STAC: variants seen among roughly 807,000 people sequenced by gnomAD.
The protein encoded by STAC is SH3 and cysteine-rich domain-containing protein.
STAC carries 43 observed loss-of-function variants against 48.8 expected under a neutral mutation model. The ratio of observed to expected loss-of-function variants is 0.88; its 90% CI spans 0.69 to 1.14. The LOEUF is 1.14. STAC is among the 50% of genes most tolerant of loss of function. The probability of loss-of-function intolerance (pLI) is 0.00; values close to 1 mark genes in which losing one functional copy is unlikely to be tolerated. For missense variants in STAC, 497 were observed against 504.0 expected, an observed-to-expected ratio of 0.99 and a Z score of 0.13; for synonymous variants, 193 against 179.5, an observed-to-expected ratio of 1.07 and a Z score of -0.60.
chr3:36,505,982 G>A lies in STAC; in HGVS notation c.920+148G>A, dbSNP rs868753591. On this transcript the variant is annotated intron_variant, in intron 8 of 10. Transcript: ENST00000273183. ...ATGTATCTAATGACCTGCAAGGCTG[G>A]TTAACACACAGGCCCTGTCCCCAGA... The A allele has an allele frequency of 2.8e-4, 152 of 547,300 alleles. 1 individual carries two copies. In the Middle Eastern group the frequency reaches 5.1e-3, roughly 18 times the overall value. 33.9% of individuals were successfully genotyped at this position (547,300 alleles called of 1,614,324 possible). A position where few individuals can be genotyped will look rare whatever the true frequency, so the allele number is the denominator to read the frequency against.
intron 8 of STAC, among the ~76,000 whole-genome samples, chr3:36,515,065 A>ATAC (rs1041567763): frequency 1.5e-4 from 23 of 151,074 alleles, no homozygotes; most frequent in Admixed American, 5.3e-4. Context: ...AATAATAATA[A>ATAC]TATAATGGAA....
intron 2 of STAC, among the ~76,000 whole-genome samples, chr3:36,448,551 A>T (rs138236696): frequency 2.0e-5 from 3 of 152,296 alleles, no homozygotes; most frequent in African/African-American, 7.2e-5. Context: ...AAAATAAGTA[A>T]AGCTGGAACA....
chr3:36,506,381 C>T (rs546142755), intron 8 of STAC: 1 of 152,236 alleles, frequency 6.6e-6, no homozygotes, highest in South Asian at 2.1e-4. Flanking sequence ...CAGCTTTGTG[C>T]TTTTGGCTTA....
intron 8 of STAC, among the ~76,000 whole-genome samples, chr3:36,506,834 T>TG (rs1698414517): frequency 6.6e-6 from 1 of 152,206 alleles, no homozygotes; most frequent in Non-Finnish European, 1.5e-5. Flanking sequence ...GCTAAGATGA[T>TG]GGGGTTTTCT....
intron 8 of STAC, among the ~76,000 whole-genome samples, chr3:36,510,218 G>A (rs1415779782): frequency 1.3e-5 from 2 of 152,168 alleles, no homozygotes; most frequent in African/African-American, 4.8e-5. Flanking sequence ...CCTCATCACT[G>A]GTCATTAGAA....
intron 1 of STAC, among the ~76,000 whole-genome samples, chr3:36,424,768 G>C (rs1213806421): frequency 6.6e-6 from 1 of 152,132 alleles, no homozygotes; most frequent in Non-Finnish European, 1.5e-5. Context: ...AGCTCTGAAT[G>C]AGCAAACCTG....
chr3:36,386,208 T>A (rs1699612103), intron 1 of STAC, among the ~76,000 whole-genome samples: 1 of 152,088 alleles, frequency 6.6e-6, no homozygotes, highest in African/African-American at 2.4e-5. Context: ...GGTTTTAACT[T>A]GTATTTCCCC....
At chr3:36,421,611 A>C (rs1700452124) in intron 1 of STAC, among the ~76,000 whole-genome samples, 1 of 152,156 alleles carries the variant, frequency 6.6e-6, no homozygotes, top group African/African-American at 2.4e-5. Context: ...GCTCTCTCTT[A>C]TCTTGTTTTT....
chr3:36,427,423 A>G (rs1210007131), intron 1 of STAC, among the ~76,000 whole-genome samples: 1 of 152,184 alleles, frequency 6.6e-6, no homozygotes, highest in Non-Finnish European at 1.5e-5. Flanking sequence ...GCTCTGAGCC[A>G]TTTATGTGCT....
chr3:36,432,563 A>G (rs55647641), intron 1 of STAC, among the ~76,000 whole-genome samples: 3,541 of 152,068 alleles, frequency 0.023, 61 homozygotes, highest in East Asian at 0.026. Context: ...TTAGCTGGGT[A>G]TGGTAGTGGG....
At chr3:36,442,740 AC>A (rs1235683838) in intron 1 of STAC, among the ~76,000 whole-genome samples, 8 of 234 alleles carry the variant, frequency 0.034, no homozygotes, top group Non-Finnish European at 0.085. Context: ...CCTATGTCCT[AC>A]ACACACACAC....
At chr3:36,540,441 A>G (rs147702101) in intron 10 of STAC, among the ~76,000 whole-genome samples, 1 of 152,332 alleles carries the variant, frequency 6.6e-6, no homozygotes, top group African/African-American at 2.4e-5. Context: ...TAGGTGGACC[A>G]AATCTAATCA....
At chr3:36,481,161 T>C (rs1697635374) in intron 2 of STAC, among the ~76,000 whole-genome samples, 2 of 152,026 alleles carry the variant, frequency 1.3e-5, no homozygotes, top group South Asian at 4.2e-4. Flanking sequence ...TGTAGAGAGC[T>C]GAGGAATTAA....
At chr3:36,406,052 T>C (rs1360628532) in intron 1 of STAC, among the ~76,000 whole-genome samples, 9 of 152,166 alleles carry the variant, frequency 5.9e-5, no homozygotes, top group Non-Finnish European at 1.2e-4. Context: ...GAAGACTGTT[T>C]CGTATTTCCC....
chr3:36,493,067 T>C, intron 5 of STAC, 84 bp from the exon 6 acceptor site: 1 of 1,339,644 alleles, frequency 7.5e-7, no homozygotes. Flanking sequence ...AAATTCTACC[T>C]AAGCTCTCTT....
At chr3:36,494,171 A>G (rs912750317) in intron 6 of STAC, among the ~76,000 whole-genome samples, 1 of 150,724 alleles carries the variant, frequency 6.6e-6, no homozygotes, top group South Asian at 2.1e-4. Flanking sequence ...AAAAAAAAAA[A>G]AAAGAAAGAG....
chr3:36,490,419 T>G (rs531401163), intron 5 of STAC, among the ~76,000 whole-genome samples: 48 of 152,254 alleles, frequency 3.2e-4, no homozygotes, highest in South Asian at 2.7e-3. Context: ...ACAAAACTGG[T>G]CAGAGTAGAG....
At chr3:36,448,907 C>A (rs562404167) in intron 2 of STAC, among the ~76,000 whole-genome samples, 11 of 146,196 alleles carry the variant, frequency 7.5e-5, no homozygotes, top group African/African-American at 1.5e-4. Flanking sequence ...GTGAACCCCC[C>A]CCCCCACTCC....
intron 1 of STAC, among the ~76,000 whole-genome samples, chr3:36,390,209 T>C (rs1371729123): frequency 6.6e-6 from 1 of 152,194 alleles, no homozygotes; most frequent in Non-Finnish European, 1.5e-5. Flanking sequence ...AGAAAAATCA[T>C]GTGGTGCACT....
Sources: gnomAD v4.1 joint callset for allele counts (sites outside exome capture counted in the v4.1 genomes callset) on GRCh38, gnomAD v4.1.1 for gene constraint, MANE v1.5 for transcripts, NCBI Gene and HGNC (gene_info 2026-07-23, HGNC 2026-07-21) for gene names.